SEL1L3: variants seen among roughly 807,000 people sequenced by gnomAD.
The protein encoded by SEL1L3 is SEL1L family member 3.
In SEL1L3, 76 loss-of-function variants were observed where a neutral mutation model predicts 142.8. The ratio of observed to expected loss-of-function variants is 0.53; its 90% confidence interval spans 0.44 to 0.64. The LOEUF (loss-of-function observed/expected upper bound fraction) is 0.64. Ranked by LOEUF, SEL1L3 falls within the 30% of genes least tolerant of loss-of-function variation. SEL1L3 has a pLI of 0.00. For missense variants in SEL1L3, 1,262 were observed against 1,381.7 expected (o/e 0.91, Z 1.37); for synonymous variants, 504 against 519.6 (o/e 0.97, Z 0.41).
the SEL1L3 span, among the ~76,000 whole-genome samples, chr4:25,721,377 G>A: frequency 6.6e-6 from 1 of 151,836 alleles, no homozygotes; most frequent in African/African-American, 2.4e-5. Context: ...GGGGCCACAG[G>A]TACAAGCTCA....
intron 4 of SEL1L3, 103 bp from the exon 5 acceptor site, chr4:25,833,213 C>A: frequency 1.3e-6 from 1 of 764,808 alleles, no homozygotes; most frequent in Non-Finnish European, 2.2e-6. Flanking sequence ...TACAATACTC[C>A]ACGAAAACAA....
intron 1 of SEL1L3, among the ~76,000 whole-genome samples, chr4:25,856,133 T>C (rs1717237894): frequency 6.6e-6 from 1 of 152,214 alleles, no homozygotes; most frequent in South Asian, 2.1e-4. Flanking sequence ...ACCGTTTCCA[T>C]TTCTCCACAC....
At chr4:25,784,172 G>C (rs965169982) in intron 14 of SEL1L3, 56 bp downstream of exon 14, 24 of 1,364,646 alleles carry the variant, frequency 1.8e-5, no homozygotes, top group Non-Finnish European at 2.3e-5. Context: ...AGACGTGCGA[G>C]AGCGTGTGGG....
At chr4:25,756,538 T>A (rs904647040) in intron 23 of SEL1L3, 4 of 961,860 alleles carry the variant, frequency 4.2e-6, no homozygotes, top group Non-Finnish European at 4.9e-6. Flanking sequence ...GCTACTCTCA[T>A]AACCTCATTG....
At chr4:25,792,313 T>A (rs769867978) in intron 11 of SEL1L3, among the ~76,000 whole-genome samples, 9 of 152,080 alleles carry the variant, frequency 5.9e-5, no homozygotes, top group Non-Finnish European at 1.0e-4. Context: ...GAACTCCAGG[T>A]GAAACTATAG....
chr4:25,836,017 C>G (rs6822442), intron 2 of SEL1L3, among the ~76,000 whole-genome samples: 4,237 of 152,254 alleles, frequency 0.028, 196 homozygotes, highest in African/African-American at 0.097. Context: ...AACTCAGGCT[C>G]TTTGGTTTCA....
chr4:25,824,949 T>C (rs936045327), intron 6 of SEL1L3, among the ~76,000 whole-genome samples: 3 of 152,148 alleles, frequency 2.0e-5, no homozygotes, highest in African/African-American at 7.3e-5. Flanking sequence ...TATCTTTGCT[T>C]TCATTTGGAA....
chr4:25,837,751 G>C (rs1715928066), intron 2 of SEL1L3, among the ~76,000 whole-genome samples: 1 of 151,958 alleles, frequency 6.6e-6, no homozygotes, highest in South Asian at 2.1e-4. Flanking sequence ...AAATTCATCT[G>C]AATAACATAT....
intron 7 of SEL1L3, among the ~76,000 whole-genome samples, chr4:25,820,603 C>CTCCAGA (rs1394076883): frequency 5.3e-5 from 8 of 152,316 alleles, no homozygotes; most frequent in African/African-American, 1.9e-4. Context: ...GGGTGGGAAC[C>CTCCAGA]TCCAGAGTTT....
At chr4:25,790,824 G>A (rs942457371) in intron 11 of SEL1L3, among the ~76,000 whole-genome samples, 4 of 151,930 alleles carry the variant, frequency 2.6e-5, no homozygotes, top group Non-Finnish European at 5.9e-5. Flanking sequence ...AGGAGGGAAG[G>A]AAGGAAGGAA....
Position 25,819,819 on chromosome 4 carries a change from C to CT in SEL1L3, c.1411dup (p.Arg471LysfsTer58). 6.2e-7 allele frequency: 1 copy of CT among 1,611,842 alleles called. No homozygotes were observed. Among genetic ancestry groups the CT allele is most frequent in the Non-Finnish European group, 8.5e-7 (1 of 1,179,160 alleles). ...AGCTCAACACTTACATGCTTCTTGTCTCTCGCCCCCGTGCTTTGCTGCAGA... is the reference window on the plus strand; with the variant it reads ...AGCTCAACACTTACATGCTTCTTGTCTTCTCGCCCCCGTGCTTTGCTGCAGA... On this transcript the variant is annotated frameshift_variant, in exon 8 of 24. Coordinates refer to ENST00000399878, the MANE Select transcript of SEL1L3 (RefSeq NM_015187.5). LOFTEE classifies it high-confidence loss of function.
chr4:25,822,895 TG>T (rs1560332739), intron 6 of SEL1L3, among the ~76,000 whole-genome samples: 1 of 152,248 alleles, frequency 6.6e-6, no homozygotes, highest in Non-Finnish European at 1.5e-5. Context: ...ATCAATTTAG[TG>T]TACCTTGAGC....
Position 25,847,487 on chromosome 4 carries a change from T to C in SEL1L3, c.540A>G (p.Lys180=). Residue 180 remains lysine (K), a synonymous_variant, in exon 2 of 24, where the codon AAA becomes AAG. Coordinates refer to ENST00000399878, the MANE Select transcript of SEL1L3 (RefSeq NM_015187.5). ...TAACATTCCAGTCTCTGCCACTGTA[T>C]TTGTGAGTAATCCAGGCGCGTACTA... ...AVIVRAWITH[K]YSGRDWNVKW... 1 of 1,614,060 alleles carries C rather than the reference T, an allele frequency of 6.2e-7. No homozygotes were observed. Among genetic ancestry groups the C allele is most frequent in the South Asian group, 1.1e-5 (1 of 91,084 alleles).
Position 25,776,296 on chromosome 4 carries a change from C to T in SEL1L3, c.2650G>A (p.Ala884Thr). ...LGHVIRKGLN[A>T]YLEGSWHEAL... ...GCTTACCATGAACCTTCCAGGTAGG[C>T]ATTGAGGCCTTTGCGGATGACATGG... Residue 884 changes from alanine to threonine, a missense_variant, in exon 17 of 24, where the codon GCC becomes ACC. Around this residue, in one of 3 missense-constraint regions of SEL1L3, gnomAD observed 435 missense variants for 559.2 expected, o/e 0.78. Coordinates refer to ENST00000399878, the MANE Select transcript of SEL1L3 (RefSeq NM_015187.5). The T allele has an allele frequency of 6.2e-7, 1 of 1,612,012 alleles. No individual in the cohort carries two copies. Among genetic ancestry groups the T allele is most frequent in the Admixed American group, 1.7e-5 (1 of 59,934 alleles).
At chr4:25,760,716 TTACC>T (rs1408273156) in intron 20 of SEL1L3, among the ~76,000 whole-genome samples, 1 of 152,188 alleles carries the variant, frequency 6.6e-6, no homozygotes, top group East Asian at 1.9e-4. Context: ...AAATCATCAT[TTACC>T]AGGTTGCATA....
the SEL1L3 span, among the ~76,000 whole-genome samples, chr4:25,741,567 G>C: frequency 1.3e-5 from 2 of 151,746 alleles, no homozygotes; most frequent in Admixed American, 1.3e-4. Flanking sequence ...TTTTTTCTAC[G>C]AGGTTCTGCC....
chr4:25,855,630 G>A (rs565948660), intron 1 of SEL1L3, among the ~76,000 whole-genome samples: 33 of 152,238 alleles, frequency 2.2e-4, no homozygotes, highest in African/African-American at 7.2e-4. Flanking sequence ...GTGTGGTGGC[G>A]GGCACCGGTA....
At chr4:25,787,982 G>T (rs1011157882) in intron 13 of SEL1L3, among the ~76,000 whole-genome samples, 1 of 152,200 alleles carries the variant, frequency 6.6e-6, no homozygotes, top group South Asian at 2.1e-4. Context: ...CCAGAATGCC[G>T]TGGTTCTTGC....
In SEL1L3 at chr4:25,767,964, T is replaced by A. The variant is rs185577485; in HGVS notation, c.2670-134A>T. ...AAAACCACAAAATCGTGAGTTTTTT[T>A]AAAAATAAATATTGTTAAAAATACT... On this transcript the variant is annotated intron_variant, in intron 17 of 23. Transcript: ENST00000399878. 1.9e-3 allele frequency: 1,196 copies of A among 619,732 alleles called. 9 individuals carry two copies. The highest frequency in any genetic ancestry group is 0.018 in the African/African-American group (954 of 54,094). 38.4% of individuals were successfully genotyped at this position (619,732 alleles called of 1,614,324 possible). A position where few individuals can be genotyped will look rare whatever the true frequency, so the allele number is the denominator to read the frequency against.
Sources: gnomAD v4.1 joint callset for allele counts (sites outside exome capture counted in the v4.1 genomes callset) on GRCh38, gnomAD v4.1.1 for gene constraint, gnomAD v4.1.1 regional missense constraint, MANE v1.5 for transcripts, NCBI Gene and HGNC (gene_info 2026-07-23, HGNC 2026-07-21) for gene names.